The following SH3GL3 variants were observed in gnomAD, a reference collection of about 807,000 sequenced individuals.
SH3GL3 encodes the protein endophilin-A3.
Under a neutral mutation model 47.7 loss-of-function variants are expected in SH3GL3, and 33 were observed. The ratio of observed to expected loss-of-function variants is 0.69; its 90% CI spans 0.52 to 0.92. SH3GL3 has a LOEUF of 0.92. Ranked by LOEUF, SH3GL3 falls within the 40% of genes least tolerant of loss-of-function variation. SH3GL3 has a pLI of 0.00. For synonymous variants in SH3GL3, 155 were observed against 148.8 expected (o/e 1.04, Z -0.30); for missense variants, 363 against 417.8 (o/e 0.87, Z 1.14).
At chr15:83,462,580 T>C (rs1033276363) in intron 1 of SH3GL3, among the ~76,000 whole-genome samples, 3 of 152,258 alleles carry the variant, frequency 2.0e-5, no homozygotes, top group Non-Finnish European at 2.9e-5. Flanking sequence ...ATTTGTTTAG[T>C]TGATTGCCCT....
At chr15:83,613,498 A>T (rs1356551099) in intron 8 of SH3GL3, among the ~76,000 whole-genome samples, 1 of 152,186 alleles carries the variant, frequency 6.6e-6, no homozygotes, top group Non-Finnish European at 1.5e-5. Flanking sequence ...AGGTTTACAC[A>T]TGGAGGTGGT....
chr15:83,551,467 G>C (rs2044665883), intron 1 of SH3GL3, among the ~76,000 whole-genome samples: 1 of 152,008 alleles, frequency 6.6e-6, no homozygotes, highest in African/African-American at 2.4e-5. Flanking sequence ...TAATTAAGAG[G>C]GTTTTAGAAT....
intron 1 of SH3GL3, among the ~76,000 whole-genome samples, chr15:83,472,493 C>T (rs190638590): frequency 1.3e-5 from 2 of 151,950 alleles, no homozygotes; most frequent in Non-Finnish European, 2.9e-5. Flanking sequence ...TTTCTGCATT[C>T]TGTGGGTGAG....
Position 83,618,068 on chromosome 15 carries a change from T to C in SH3GL3, c.839-14T>C, listed in dbSNP as rs905493495. 1 of 1,571,928 alleles carries C rather than the reference T, an allele frequency of 6.4e-7. No individual in the cohort carries two copies. The highest frequency in any genetic ancestry group is 8.8e-7 in the Non-Finnish European group (1 of 1,141,656). On this transcript the variant is annotated splice_polypyrimidine_tract_variant and intron_variant, in intron 8 of 8. Coordinates refer to ENST00000427482, the MANE Select transcript of SH3GL3 (RefSeq NM_003027.5). Reference sequence around the variant, plus strand: ...TGTTCATCTGTACTTTTTGTCTCCATATCATGTGGACAGGTTCTAACATTC... The same window carrying C: ...TGTTCATCTGTACTTTTTGTCTCCACATCATGTGGACAGGTTCTAACATTC...
At chr15:83,492,156 G>A (rs960141266) in intron 1 of SH3GL3, among the ~76,000 whole-genome samples, 5 of 151,762 alleles carry the variant, frequency 3.3e-5, no homozygotes, top group African/African-American at 7.3e-5. Context: ...GGTGGCATGC[G>A]CCTGTAATCC....
intron 8 of SH3GL3, among the ~76,000 whole-genome samples, chr15:83,603,334 G>T (rs569848330): frequency 6.6e-6 from 1 of 152,226 alleles, no homozygotes; most frequent in African/African-American, 2.4e-5. Context: ...TATACCTCCA[G>T]GCAGTTCCAT....
chr15:83,472,395 A>AT (rs201363555), intron 1 of SH3GL3, among the ~76,000 whole-genome samples: 1,731 of 149,864 alleles, frequency 0.012, 17 homozygotes, highest in Non-Finnish European at 0.015. Flanking sequence ...TCTTTGTCTT[A>AT]TTTTTTTCCT....
rs559656402 is a variant in SH3GL3 at position 83,568,642 on chromosome 15, G to A, written c.301G>A (p.Gly101Arg). ...GLLGDCMLKY[G>R]KELGEDSTFG... The stretch of plus-strand genomic sequence containing the variant: ...GCTGGGGGACTGTATGCTGAAATAC[G>A]GGAAGGAGCTCGGGGAAGACTCCAC... Residue 101 changes from glycine (G) to arginine (R), a missense_variant, in exon 4 of 9, where the codon GGG becomes AGG. Coordinates refer to ENST00000427482, the MANE Select transcript of SH3GL3 (RefSeq NM_003027.5). The A allele has an allele frequency of 1.2e-6, 2 of 1,613,794 alleles. No homozygotes were observed. The highest frequency in any genetic ancestry group is 1.3e-5 in the African/African-American group (1 of 75,022).
At chr15:83,490,196 CT>C (rs2041816474) in intron 1 of SH3GL3, among the ~76,000 whole-genome samples, 1 of 151,680 alleles carries the variant, frequency 6.6e-6, no homozygotes, top group South Asian at 2.1e-4. Context: ...GACTCCCCTT[CT>C]CTGTGGGTCT....
At chr15:83,469,471 T>C (rs1019204471) in intron 1 of SH3GL3, among the ~76,000 whole-genome samples, 3 of 152,216 alleles carry the variant, frequency 2.0e-5, no homozygotes, top group Admixed American at 2.0e-4. Flanking sequence ...CTATATTCTT[T>C]CCTTTTATCT....
At chr15:83,534,745 T>G (rs2043830941) in intron 1 of SH3GL3, among the ~76,000 whole-genome samples, 1 of 152,186 alleles carries the variant, frequency 6.6e-6, no homozygotes, top group African/African-American at 2.4e-5. Flanking sequence ...TTGCAATATT[T>G]CCAGAGTATT....
intron 1 of SH3GL3, among the ~76,000 whole-genome samples, chr15:83,543,038 G>T (rs1212088812): frequency 3.3e-5 from 5 of 151,908 alleles, no homozygotes; most frequent in Non-Finnish European, 7.4e-5. Flanking sequence ...GTGAAAGTGG[G>T]CATCCTTGTC....
At chr15:83,561,465 T>A (rs542191530) in intron 2 of SH3GL3, among the ~76,000 whole-genome samples, 1 of 151,950 alleles carries the variant, frequency 6.6e-6, no homozygotes, top group East Asian at 1.9e-4. Context: ...TTAAAGAAAA[T>A]AAATGTTGGG....
At chr15:83,481,051 G>A (rs28552876) in intron 1 of SH3GL3, among the ~76,000 whole-genome samples, 26,574 of 152,040 alleles carry the variant, frequency 0.17, 2,818 homozygotes, top group South Asian at 0.45. Flanking sequence ...CGAGGCGGGC[G>A]GATCACCTGA....
intron 6 of SH3GL3, among the ~76,000 whole-genome samples, chr15:83,584,407 CAT>C (rs2059908894): frequency 6.6e-6 from 1 of 152,148 alleles, no homozygotes. Context: ...TGTAAAGTAA[CAT>C]ATTTGCAGGT....
At position 83,572,558 on chromosome 15, in the gene SH3GL3, A is replaced by G; in HGVS notation, c.332-7A>G. ...AGAACCTTTTGTATTTATGTTTTCT[A>G]TTCAAGGCAATGCATTGATAGAAGT... On this transcript the variant is annotated splice_region_variant and splice_polypyrimidine_tract_variant and intron_variant, in intron 4 of 8. Coordinates refer to ENST00000427482, the MANE Select transcript of SH3GL3 (RefSeq NM_003027.5). 8 of 1,609,708 alleles carry G rather than the reference A, an allele frequency of 5.0e-6. No homozygotes were observed. Among genetic ancestry groups the G allele is most frequent in the Non-Finnish European group, 6.8e-6 (8 of 1,177,296 alleles).
rs541946329 is a variant in SH3GL3 at position 83,547,693 on chromosome 15, A to G, written c.46-11560A>G. On this transcript the variant is annotated intron_variant, in intron 1 of 8. Transcript: ENST00000427482. ...AGAAATCAGTGTTAGTGTTTTTCTG[A>G]TGTATCTTTTTGCACCTGTTTATTT... is the stretch of plus-strand genomic sequence containing the variant. 4.0e-5 allele frequency among the ~76,000 whole-genome samples: 6 copies of G among 150,466 alleles called. No individual in the cohort carries two copies. The South Asian group carries it at 1.3e-3, about 32-fold the overall frequency.
At chr15:83,511,789 C>T (rs1219411420) in intron 1 of SH3GL3, among the ~76,000 whole-genome samples, 1 of 152,084 alleles carries the variant, frequency 6.6e-6, no homozygotes, top group Non-Finnish European at 1.5e-5. Flanking sequence ...ATCTTGGCTC[C>T]CAGGAAGCCA....
chr15:83,483,522 A>G (rs939207319), intron 1 of SH3GL3, among the ~76,000 whole-genome samples: 14 of 152,188 alleles, frequency 9.2e-5, no homozygotes, highest in Admixed American at 3.9e-4. Flanking sequence ...CATCATGAGG[A>G]CGGCTTCCTG....
Sources: allele counts gnomAD v4.1 joint callset (sites outside exome capture counted in the v4.1 genomes callset), GRCh38; gene constraint gnomAD v4.1.1; transcripts MANE v1.5; gene names NCBI Gene and HGNC (gene_info 2026-07-23, HGNC 2026-07-21).